The following SPTBN4 variants were observed in gnomAD, a reference collection of about 807,000 sequenced individuals.
SPTBN4 encodes spectrin beta, non-erythrocytic 4, also known as spectrin beta chain, non-erythrocytic 4.
In SPTBN4, 96 loss-of-function variants were observed where a neutral mutation model predicts 277.8. That is an observed-to-expected ratio of 0.35 (90% CI 0.29 to 0.41). SPTBN4 has a LOEUF of 0.41. Ranked by LOEUF, SPTBN4 falls within the 10% of genes least tolerant of loss-of-function variation. The pLI is 1.00. For missense variants in SPTBN4, 3,006 were observed against 3,595.7 expected (o/e 0.84, Z 4.19); for synonymous variants, 1,481 against 1,580.3 (o/e 0.94, Z 1.49).
chr19:40,561,871 A>G (rs528530302), intron 27 of SPTBN4, among the ~76,000 whole-genome samples: 148 of 152,228 alleles, frequency 9.7e-4, no homozygotes, highest in African/African-American at 3.5e-3. Context: ...GCGTGGGTAT[A>G]TATACATACA....
chr19:40,476,339 C>CT (rs1322178719), intron 2 of SPTBN4, among the ~76,000 whole-genome samples: 6 of 127,780 alleles, frequency 4.7e-5, no homozygotes, highest in African/African-American at 1.9e-4. Flanking sequence ...TAGCAAAACT[C>CT]TGTCTCAAAA....
At chr19:40,556,425 C>T (rs1330976089) in intron 25 of SPTBN4, 137 bp downstream of exon 25, 20 of 748,336 alleles carry the variant, frequency 2.7e-5, no homozygotes, top group African/African-American at 1.2e-4. Context: ...GTTAATATAA[C>T]GTAAAGCACT....
chr19:40,497,558 C>T lies in SPTBN4; in HGVS notation c.738C>T (p.Arg246=), dbSNP rs1317676804. The T allele has an allele frequency of 1.2e-6, 2 of 1,614,114 alleles. No individual in the cohort carries two copies. Among genetic ancestry groups the T allele is most frequent in the Non-Finnish European group, 1.7e-6 (2 of 1,180,032 alleles). The change falls in exon 7 of 36, where the codon CGC becomes CGT. Residue 246 remains arginine, a synonymous_variant. Coordinates refer to ENST00000598249, the MANE Select transcript of SPTBN4 (RefSeq NM_020971.3). ...NANYNLQRAF[R]TAEQHLGLAR... is the part of the protein sequence containing the mutation. ...ACTACAACCTGCAGAGAGCCTTCCGCACAGCTGAGCAGCACCTGGGGCTGG... is the reference window on the plus strand; with the variant it reads ...ACTACAACCTGCAGAGAGCCTTCCGTACAGCTGAGCAGCACCTGGGGCTGG...
chr19:40,519,711 G>A lies in SPTBN4; in HGVS notation c.3214G>A (p.Ala1072Thr). ...GAEELGAEWG[A>T]LASAAQACGE... ...GGAGGAGCTGGGCGCCGAGTGGGGC[G>A]CGCTAGCTAGCGCGGCTCAGGCCTG... Residue 1072 changes from alanine to threonine, a missense_variant, in exon 16 of 36, where the codon GCG becomes ACG. This residue lies in a region of SPTBN4 where 1,759 missense variants were observed against 2,061.5 expected (regional missense o/e 0.85). Transcript: ENST00000598249. The surrounding 1 kb of genome is among the most constrained non-coding windows in gnomAD (Gnocchi z 5.7). 2 of 1,389,312 alleles carry A rather than the reference G, an allele frequency of 1.4e-6. No homozygotes were observed. Among genetic ancestry groups the A allele is most frequent in the Non-Finnish European group, 1.8e-6 (2 of 1,083,152 alleles). 86.1% of individuals were successfully genotyped at this position (1,389,312 alleles called of 1,614,324 possible). A position where few individuals can be genotyped will look rare whatever the true frequency, so the allele number is the denominator to read the frequency against.
At chr19:40,522,346 C>CA (rs1300942121) in intron 16 of SPTBN4, among the ~76,000 whole-genome samples, 1 of 120,140 alleles carries the variant, frequency 8.3e-6, no homozygotes, top group African/African-American at 3.9e-5. Flanking sequence ...TCATAGTAAC[C>CA]AATTTTTTTT....
At chr19:40,570,238 A>C (rs1044368602) in intron 32 of SPTBN4, among the ~76,000 whole-genome samples, 198 bp from the exon 33 acceptor site, 2 of 151,232 alleles carry the variant, frequency 1.3e-5, no homozygotes, top group African/African-American at 2.4e-5. Context: ...ATTCCAAACC[A>C]ATGAGTCCTA....
At chr19:40,517,268 T>G (rs2080471139) in intron 15 of SPTBN4, among the ~76,000 whole-genome samples, 1 of 151,822 alleles carries the variant, frequency 6.6e-6, no homozygotes, top group Non-Finnish European at 1.5e-5. Flanking sequence ...TGGATATGTT[T>G]GACTTCAAAG....
At chr19:40,567,164 C>T (rs1293062683) in intron 30 of SPTBN4, 8 of 455,566 alleles carry the variant, frequency 1.8e-5, no homozygotes, top group Non-Finnish European at 2.6e-5. Flanking sequence ...CGTGATGGCA[C>T]GTGCCTGTAG....
At chr19:40,528,551 G>A (rs537640843) in intron 17 of SPTBN4, among the ~76,000 whole-genome samples, 4 of 152,126 alleles carry the variant, frequency 2.6e-5, no homozygotes, top group South Asian at 4.2e-4. Context: ...GTCCCTGACC[G>A]GACTCCTCCT....
chr19:40,521,626 T>A (rs529659590), intron 16 of SPTBN4, among the ~76,000 whole-genome samples: 1 of 152,172 alleles, frequency 6.6e-6, no homozygotes, highest in African/African-American at 2.4e-5. Flanking sequence ...CAGGCAGTAA[T>A]GCTCACTCGC....
chr19:40,557,369 C>T lies in SPTBN4; in HGVS notation c.5636C>T (p.Ala1879Val). The change falls in exon 26 of 36, where the codon GCC (alanine) becomes GTC (valine). Residue 1879 changes from alanine (A) to valine (V), a missense_variant. Ala to Val is a moderately conservative substitution (Grantham distance 64, BLOSUM62 0). This residue lies in a region of SPTBN4 where 425 missense variants were observed against 594.7 expected (regional missense o/e 0.71). Transcript: ENST00000598249. ...AGTTCCATGCAGCGGACCCTGAGAG[C>T]CTTTGAGCATGACCTGCAGCTCCTC... The part of the protein sequence containing the change: ...SASSMQRTLR[A>V]FEHDLQLLVS... The T allele has an allele frequency of 1.3e-6, 2 of 1,593,082 alleles. No homozygotes were observed. The highest frequency in any genetic ancestry group is 1.7e-6 in the Non-Finnish European group (2 of 1,167,742).
intron 7 of SPTBN4, among the ~76,000 whole-genome samples, chr19:40,501,573 C>G (rs887775678): frequency 2.0e-5 from 3 of 151,816 alleles, no homozygotes; most frequent in Admixed American, 1.3e-4. Flanking sequence ...GAGGCTGAGA[C>G]AGAAGAATCA....
intron 2 of SPTBN4, among the ~76,000 whole-genome samples, chr19:40,485,900 G>A (rs2080066250): frequency 6.6e-6 from 1 of 151,578 alleles, no homozygotes; most frequent in Non-Finnish European, 1.5e-5. Context: ...ATGAAAAGAT[G>A]CTCAACATCA....
At chr19:40,477,860 C>A (rs138980496) in intron 2 of SPTBN4, among the ~76,000 whole-genome samples, 1 of 151,848 alleles carries the variant, frequency 6.6e-6, no homozygotes, top group Non-Finnish European at 1.5e-5. Flanking sequence ...TTTTTTGAGA[C>A]GGAGTTTCGC....
chr19:40,546,016 C>G (rs565031715), intron 20 of SPTBN4, among the ~76,000 whole-genome samples: 1 of 146,780 alleles, frequency 6.8e-6, no homozygotes, highest in South Asian at 2.1e-4. Context: ...CACCATTGCA[C>G]TCCAGCCTGG....
chr19:40,474,108 C>T (rs1342246164), intron 2 of SPTBN4, among the ~76,000 whole-genome samples: 2 of 137,204 alleles, frequency 1.5e-5, no homozygotes, highest in Non-Finnish European at 1.5e-5. Context: ...GTCAAGATCG[C>T]GCCACTGCAC....
At chr19:40,569,961 C>CACACAG (rs1555721042) in intron 32 of SPTBN4, among the ~76,000 whole-genome samples, 5 of 145,868 alleles carry the variant, frequency 3.4e-5, no homozygotes, top group African/African-American at 7.9e-5. Flanking sequence ...CACACACACA[C>CACACAG]ACACACACAC....
intron 12 of SPTBN4, 75 bp downstream of exon 12, chr19:40,504,207 A>G: frequency 6.9e-7 from 1 of 1,458,470 alleles, no homozygotes; most frequent in Non-Finnish European, 9.3e-7. Flanking sequence ...AAGAGTTGTC[A>G]GACAGCTGGA....
Position 40,487,797 on chromosome 19 carries a change from G to A in SPTBN4, c.270G>A (p.Arg90=). Reference sequence around the variant, plus strand: ...TCGGGGACCTCTATGTGGACCTCCGGGACGGCTTCGTGCTCACGCGGCTCC... The same window carrying A: ...TCGGGGACCTCTATGTGGACCTCCGAGACGGCTTCGTGCTCACGCGGCTCC... ...CHIGDLYVDL[R]DGFVLTRLLE... Residue 90 remains arginine (R), a synonymous_variant, in exon 3 of 36, where the codon CGG becomes CGA. Coordinates refer to ENST00000598249, the MANE Select transcript of SPTBN4 (RefSeq NM_020971.3). The A allele has an allele frequency of 6.2e-7, 1 of 1,612,118 alleles. No individual in the cohort carries two copies.
Sources: allele counts gnomAD v4.1 joint callset (sites outside exome capture counted in the v4.1 genomes callset), GRCh38; gene constraint gnomAD v4.1.1; regional missense constraint gnomAD v4.1.1; non-coding constraint Gnocchi (gnomAD v3.1); transcripts MANE v1.5; gene names NCBI Gene and HGNC (gene_info 2026-07-23, HGNC 2026-07-21).